The following AFF2 variants were observed in gnomAD, a reference collection of about 807,000 sequenced individuals.
The protein encoded by AFF2 is AF4/FMR2 family member 2.
A neutral mutation model predicts 76.9 loss-of-function variants in AFF2; 14 were observed. The observed-to-expected ratio is 0.18, with a 90% confidence interval of 0.12 to 0.28. The LOEUF (loss-of-function observed/expected upper bound fraction) is 0.28, where lower values mean the gene tolerates loss of function less well. AFF2 is among the 10% of genes least tolerant of loss of function. AFF2 has a pLI of 1.00. For missense variants in AFF2, 868 were observed against 1,001.1 expected, an observed-to-expected ratio of 0.87 and a Z score of 1.79; for synonymous variants, 398 against 366.7, an observed-to-expected ratio of 1.09 and a Z score of -0.98.
chrX:148,753,076 T>C (rs139464370), intron 3 of AFF2, among the ~76,000 whole-genome samples: 29 of 111,829 alleles, frequency 2.6e-4, no homozygotes, highest in African/African-American at 8.8e-4. Context: ...CACTTCTTTT[T>C]AAGCTTTAAG....
chrX:148,971,682 ATGT>A (rs1213394704), intron 15 of AFF2, among the ~76,000 whole-genome samples: 1 of 108,690 alleles, frequency 9.2e-6, no homozygotes, highest in African/African-American at 3.4e-5. Context: ...AGATTAAGTA[ATGT>A]TGTTGTGTTA....
At chrX:148,947,199 A>C (rs782519771) in intron 9 of AFF2, among the ~76,000 whole-genome samples, 132 of 112,620 alleles carry the variant, frequency 1.2e-3, no homozygotes, top group Non-Finnish European at 2.3e-3. Flanking sequence ...AGGCAAAGAC[A>C]ATCTTTTTAT....
intron 12 of AFF2, among the ~76,000 whole-genome samples, chrX:148,960,397 C>A (rs1416906353): frequency 8.9e-6 from 1 of 112,493 alleles, no homozygotes; most frequent in African/African-American, 3.2e-5. Flanking sequence ...TTCCTTACAC[C>A]AAATGGTGTC....
At chrX:148,665,708 C>T (rs1291716314) in intron 3 of AFF2, among the ~76,000 whole-genome samples, 1 of 111,601 alleles carries the variant, frequency 9.0e-6, no homozygotes, top group African/African-American at 3.3e-5. Context: ...TCTGAAAATT[C>T]ACCCTATTAA....
chrX:148,978,842 G>T (rs1381576594), intron 18 of AFF2, among the ~76,000 whole-genome samples: 1 of 111,811 alleles, frequency 8.9e-6, no homozygotes, highest in African/African-American at 3.3e-5. Flanking sequence ...AGTCACTGTG[G>T]CCACCCTGGC....
In AFF2 at chrX:148,698,797, GTTTT is replaced by G. The variant is rs142604433; in HGVS notation, c.1041+36046_1041+36049del. On this transcript the variant is annotated intron_variant, in intron 3 of 20. Coordinates refer to ENST00000370460, the MANE Select transcript of AFF2 (RefSeq NM_002025.4). The stretch of plus-strand genomic sequence containing the variant: ...AGTGGGATCTAATCTGAGTTCTAGT[GTTTT>G]TTTTTTTTTTTTTTTTCTGTATTTT... Among the ~76,000 whole-genome samples the G allele has an allele frequency of 1.1e-3, 77 of 71,694 alleles. 1 individual carries two copies. Among genetic ancestry groups the G allele is most frequent in the African/African-American group, 3.4e-3 (68 of 20,120 alleles). 62.3% of individuals were successfully genotyped at this position (71,694 alleles called of 115,157 possible).
chrX:148,880,604 G>A (rs1300597956), intron 7 of AFF2, among the ~76,000 whole-genome samples: 1 of 111,653 alleles, frequency 9.0e-6, no homozygotes, highest in Non-Finnish European at 1.9e-5. Flanking sequence ...AACTTACTCT[G>A]ATTGCCATGA....
chrX:148,866,118 A>G (rs1417085363), intron 7 of AFF2, among the ~76,000 whole-genome samples: 1 of 111,687 alleles, frequency 9.0e-6, no homozygotes, highest in Non-Finnish European at 1.9e-5. Context: ...TTTCCAGGAT[A>G]AGGGGAGAGC....
At chrX:148,696,612 C>G (rs2054725011) in intron 3 of AFF2, among the ~76,000 whole-genome samples, 1 of 111,346 alleles carries the variant, frequency 9.0e-6, no homozygotes, top group South Asian at 3.8e-4. Context: ...CTAGGCATTT[C>G]CAGTTATCCA....
intron 12 of AFF2, among the ~76,000 whole-genome samples, chrX:148,958,732 C>T (rs1347777559): frequency 4.5e-5 from 5 of 111,134 alleles, no homozygotes; most frequent in Admixed American, 9.6e-5. Context: ...TTAGTCAAAA[C>T]GAACTTTTAG....
chrX:148,644,579 A>G (rs1470558442), intron 1 of AFF2, among the ~76,000 whole-genome samples: 2 of 112,274 alleles, frequency 1.8e-5, no homozygotes, highest in African/African-American at 3.2e-5. Context: ...CTTCTGCACA[A>G]GTCTATTCTT....
chrX:148,911,097 GTA>G (rs1170663959), intron 9 of AFF2, among the ~76,000 whole-genome samples: 1 of 108,704 alleles, frequency 9.2e-6, no homozygotes, highest in Non-Finnish European at 1.9e-5. Flanking sequence ...ATATATATGT[GTA>G]TGTGTGTGTG....
At chrX:148,586,442 A>G (rs1470134875) in intron 1 of AFF2, among the ~76,000 whole-genome samples, 1 of 112,033 alleles carries the variant, frequency 8.9e-6, no homozygotes, top group Admixed American at 9.5e-5. Flanking sequence ...CTTTCCTCTC[A>G]TAAGTATACA....
intron 1 of AFF2, among the ~76,000 whole-genome samples, chrX:148,514,639 G>A (rs1345830469): frequency 2.7e-5 from 3 of 112,091 alleles, no homozygotes; most frequent in Admixed American, 1.9e-4. Flanking sequence ...GAGCTTAGCC[G>A]ACTTTAACAG....
chrX:148,944,629 T>A (rs2071878212), intron 9 of AFF2, among the ~76,000 whole-genome samples: 1 of 111,863 alleles, frequency 8.9e-6, no homozygotes, highest in South Asian at 3.8e-4. Context: ...TGTGATTTTT[T>A]AAATTATTTC....
At chrX:148,843,708 T>C (rs1247689971) in intron 7 of AFF2, among the ~76,000 whole-genome samples, 1 of 111,544 alleles carries the variant, frequency 9.0e-6, no homozygotes, top group Non-Finnish European at 1.9e-5. Flanking sequence ...TTGAGATCAA[T>C]GCACCAGCAT....
chrX:148,809,293 A>C (rs781886584), intron 3 of AFF2, among the ~76,000 whole-genome samples: 2 of 111,801 alleles, frequency 1.8e-5, no homozygotes, highest in Non-Finnish European at 3.8e-5. Context: ...CCCTCAGTAC[A>C]TTTCTGCTAG....
intron 3 of AFF2, among the ~76,000 whole-genome samples, chrX:148,690,638 T>C (rs895902466): frequency 8.0e-5 from 9 of 112,351 alleles, no homozygotes; most frequent in African/African-American, 2.6e-4. Context: ...ACCATCTCAG[T>C]TGAGAGGCAA....
At chrX:148,501,296 T>A in intron 1 of AFF2, 152 bp downstream of exon 1, 1 of 697,734 alleles carries the variant, frequency 1.4e-6, no homozygotes, top group Non-Finnish European at 2.1e-6. Context: ...CCGGCCGCGC[T>A]GACTCCTAGG....
Sources: gnomAD v4.1 joint callset for allele counts (sites outside exome capture counted in the v4.1 genomes callset) on GRCh38, gnomAD v4.1.1 for gene constraint, MANE v1.5 for transcripts, NCBI Gene and HGNC (gene_info 2026-07-23, HGNC 2026-07-21) for gene names.